The following CTNND2 variants were observed in gnomAD, a reference collection of about 807,000 sequenced individuals.
CTNND2 encodes catenin delta 2.
A neutral mutation model predicts 144.4 loss-of-function variants in CTNND2; 22 were observed. The ratio of observed to expected loss-of-function variants is 0.15; its 90% CI spans 0.11 to 0.22. CTNND2 has a LOEUF of 0.22. Among genes scored for constraint, CTNND2 ranks in the 10% least tolerant of loss-of-function variants. The pLI, the probability that CTNND2 is intolerant of heterozygous loss-of-function variation, is 1.00. For synonymous variants in CTNND2, 751 were observed against 695.6 expected (o/e 1.08, Z -1.25); for missense variants, 1,353 against 1,618.8 (o/e 0.84, Z 2.82).
At chr5:11,463,757 T>C (rs963820567) in intron 3 of CTNND2, among the ~76,000 whole-genome samples, 2 of 151,982 alleles carry the variant, frequency 1.3e-5, no homozygotes, top group East Asian at 3.9e-4. Context: ...ATTTCTTATA[T>C]GCTTTTAATG....
In CTNND2 at chr5:11,384,718, T is replaced by C. The variant is rs760758906; in HGVS notation, c.1124A>G (p.His375Arg). ...GGCCGTGGCATACAGCTCCTGCGAGTGCTTGCTGTACTGCTCGGACGCGTG... is the reference window on the plus strand; with the variant it reads ...GGCCGTGGCATACAGCTCCTGCGAGCGCTTGCTGTACTGCTCGGACGCGTG... ...LVHASEQYSKHSQELYATATL... is the reference protein window; with the variant it reads ...LVHASEQYSKRSQELYATATL... Residue 375 changes from histidine to arginine, a missense_variant, in exon 7 of 22, where the codon CAC (histidine) becomes CGC (arginine). This residue lies in a region of CTNND2 where 708 missense variants were observed against 706.4 expected (regional missense o/e 1.00). Coordinates refer to ENST00000304623, the MANE Select transcript of CTNND2 (RefSeq NM_001332.4). The surrounding 1 kb of genome is among the most constrained non-coding windows in gnomAD (Gnocchi z 5.2). 1.2e-6 allele frequency: 2 copies of C among 1,611,304 alleles called. No individual in the cohort carries two copies. Among genetic ancestry groups the C allele is most frequent in the Non-Finnish European group, 1.7e-6 (2 of 1,179,362 alleles).
intron 5 of CTNND2, among the ~76,000 whole-genome samples, chr5:11,411,267 C>T (rs1310051471): frequency 6.6e-6 from 1 of 152,056 alleles, no homozygotes; most frequent in Non-Finnish European, 1.5e-5. Context: ...AAAAGGATAT[C>T]AGAGAACAGT....
chr5:11,183,973 A>G (rs1735372004), intron 11 of CTNND2, among the ~76,000 whole-genome samples: 1 of 152,168 alleles, frequency 6.6e-6, no homozygotes, highest in Non-Finnish European at 1.5e-5. Context: ...GCGTAGAACC[A>G]ATATAAAATT....
At chr5:11,752,094 C>A (rs1238870733) in intron 1 of CTNND2, among the ~76,000 whole-genome samples, 1 of 151,852 alleles carries the variant, frequency 6.6e-6, no homozygotes, top group Non-Finnish European at 1.5e-5. Flanking sequence ...CTTACAGATT[C>A]TCTACATTAG....
intron 9 of CTNND2, among the ~76,000 whole-genome samples, chr5:11,253,318 G>A (rs1350978833): frequency 6.6e-6 from 1 of 152,100 alleles, no homozygotes; most frequent in Non-Finnish European, 1.5e-5. Context: ...CTATTGATAT[G>A]GTTTGGCTGT....
chr5:11,129,408 G>A (rs1035733655), intron 12 of CTNND2, among the ~76,000 whole-genome samples: 3 of 142,128 alleles, frequency 2.1e-5, no homozygotes, highest in Non-Finnish European at 4.5e-5. Context: ...TCTCAATGCC[G>A]TGAGGCCAGG....
chr5:11,199,658 T>C lies in CTNND2; in HGVS notation c.1765A>G (p.Arg589Gly), dbSNP rs764815256. ...AGGAGCTGGATGCCTCCTTGTCTCC[T>C]TATCTGAAAGAGCAAAGGACACCAC... ...FGDNKIKAEI[R>G]RQGGIQLLVD... The change falls in exon 11 of 22, where the codon AGG becomes GGG. Residue 589 changes from arginine (R) to glycine (G), a missense_variant. Transcript: ENST00000304623. 2 of 1,613,734 alleles carry C rather than the reference T, an allele frequency of 1.2e-6. No individual in the cohort carries two copies. The highest frequency in any genetic ancestry group is 1.7e-6 in the Non-Finnish European group (2 of 1,179,786).
intron 16 of CTNND2, among the ~76,000 whole-genome samples, chr5:11,038,479 T>C (rs971670150): frequency 2.6e-5 from 4 of 152,178 alleles, no homozygotes; most frequent in African/African-American, 9.7e-5. Flanking sequence ...CCTCAGTCCA[T>C]GGAAAAATGG....
intron 16 of CTNND2, among the ~76,000 whole-genome samples, chr5:11,050,848 T>C (rs1329871070): frequency 6.6e-6 from 1 of 152,194 alleles, no homozygotes; most frequent in Non-Finnish European, 1.5e-5. Flanking sequence ...AGGCCAGGCA[T>C]ACACCCCAAC....
chr5:11,345,733 A>G (rs772223347), intron 9 of CTNND2, among the ~76,000 whole-genome samples: 1 of 151,998 alleles, frequency 6.6e-6, no homozygotes, highest in Non-Finnish European at 1.5e-5. Context: ...CCAACTTTAC[A>G]AGCAGAGCAT....
chr5:11,134,517 T>C (rs1051862869), intron 12 of CTNND2, among the ~76,000 whole-genome samples: 1 of 152,220 alleles, frequency 6.6e-6, no homozygotes, highest in Non-Finnish European at 1.5e-5. Context: ...GGAAAACTAC[T>C]ATATTCACAT....
chr5:11,293,654 C>A (rs1056864207), intron 9 of CTNND2, among the ~76,000 whole-genome samples: 4 of 151,250 alleles, frequency 2.6e-5, no homozygotes, highest in African/African-American at 4.9e-5. Context: ...TGTAGAGCAA[C>A]TGAATGAAAA....
At chr5:11,446,238 G>T (rs1454044125) in intron 3 of CTNND2, among the ~76,000 whole-genome samples, 1 of 152,168 alleles carries the variant, frequency 6.6e-6, no homozygotes, top group African/African-American at 2.4e-5. Context: ...CTCCCAAAGT[G>T]CTGGGATTAC....
At chr5:11,361,594 G>A (rs1043895344) in intron 8 of CTNND2, among the ~76,000 whole-genome samples, 1 of 152,194 alleles carries the variant, frequency 6.6e-6, no homozygotes, top group African/African-American at 2.4e-5. Context: ...GATTGTTCTG[G>A]TGGTTGGTAA....
intron 1 of CTNND2, among the ~76,000 whole-genome samples, chr5:11,755,519 A>T (rs931173717): frequency 5.3e-5 from 8 of 151,616 alleles, no homozygotes; most frequent in African/African-American, 1.9e-4. Flanking sequence ...TTCAGGGAAG[A>T]TATCCTCAAA....
intron 3 of CTNND2, among the ~76,000 whole-genome samples, chr5:11,537,698 G>A (rs577483424): frequency 2.7e-4 from 41 of 152,052 alleles, no homozygotes; most frequent in Admixed American, 2.1e-3. Flanking sequence ...TCAGAAGCAG[G>A]GACTCTTCCC....
chr5:11,079,877 G>T (rs1035081239), intron 16 of CTNND2, among the ~76,000 whole-genome samples: 3 of 152,110 alleles, frequency 2.0e-5, no homozygotes, highest in Non-Finnish European at 2.9e-5. Flanking sequence ...AAAATTCTAG[G>T]AGAAAACAGG....
chr5:11,171,616 G>A (rs1228898812), intron 11 of CTNND2, among the ~76,000 whole-genome samples: 1 of 152,182 alleles, frequency 6.6e-6, no homozygotes, highest in Non-Finnish European at 1.5e-5. Flanking sequence ...CAGTAAATTA[G>A]TAAGAGTCCA....
chr5:11,342,083 T>A (rs954524413), intron 9 of CTNND2, among the ~76,000 whole-genome samples: 1 of 151,524 alleles, frequency 6.6e-6, no homozygotes, highest in Non-Finnish European at 1.5e-5. Context: ...TGCGCGTGGG[T>A]GTGTGTGTGT....
Sources: allele counts gnomAD v4.1 joint callset (sites outside exome capture counted in the v4.1 genomes callset), GRCh38; gene constraint gnomAD v4.1.1; regional missense constraint gnomAD v4.1.1; non-coding constraint Gnocchi (gnomAD v3.1); transcripts MANE v1.5; gene names NCBI Gene and HGNC (gene_info 2026-07-23, HGNC 2026-07-21).